FRY: variants seen among roughly 807,000 people sequenced by gnomAD.
FRY encodes FRY microtubule binding protein.
In FRY, 128 loss-of-function variants were observed where a neutral mutation model predicts 348.4. The observed-to-expected ratio is 0.37, with a 90% CI of 0.32 to 0.43. The LOEUF (loss-of-function observed/expected upper bound fraction) is 0.43. Ranked by LOEUF, FRY falls within the 20% of genes least tolerant of loss-of-function variation. The probability of loss-of-function intolerance (pLI) is 1.00; values close to 1 mark genes in which losing one functional copy is unlikely to be tolerated. For missense variants in FRY, 2,736 were observed against 3,695.2 expected, an observed-to-expected ratio of 0.74 and a Z score of 6.73; for synonymous variants, 1,370 against 1,374.7, an observed-to-expected ratio of 1.00 and a Z score of 0.08.
chr13:32,194,583 A>T (rs1018226725), intron 29 of FRY, among the ~76,000 whole-genome samples: 35 of 152,326 alleles, frequency 2.3e-4, no homozygotes, highest in African/African-American at 8.4e-4. Flanking sequence ...GACAAAGAAG[A>T]TACATTATAG....
At chr13:32,098,474 A>T (rs1462012105) in intron 2 of FRY, among the ~76,000 whole-genome samples, 11 of 152,074 alleles carry the variant, frequency 7.2e-5, no homozygotes, top group Admixed American at 6.5e-4. Flanking sequence ...ATTGCACAAG[A>T]TGATGACTGT....
At chr13:32,127,966 A>C (rs1469652085) in intron 7 of FRY, among the ~76,000 whole-genome samples, 1 of 152,232 alleles carries the variant, frequency 6.6e-6, no homozygotes, top group African/African-American at 2.4e-5. Flanking sequence ...CATCTTTAAA[A>C]CTATATAACT....
At chr13:32,176,250 A>C (rs1186252758) in intron 20 of FRY, among the ~76,000 whole-genome samples, 1 of 152,210 alleles carries the variant, frequency 6.6e-6, no homozygotes, top group Admixed American at 6.5e-5. Context: ...AGGGAAATTT[A>C]AACTGATTTT....
intron 1 of FRY, among the ~76,000 whole-genome samples, chr13:32,075,889 C>G (rs1259538972): frequency 6.6e-6 from 1 of 152,190 alleles, no homozygotes; most frequent in Non-Finnish European, 1.5e-5. Flanking sequence ...GAATCATTTT[C>G]TGCTGTGGTA....
At chr13:32,072,183 T>G (rs530473600) in intron 1 of FRY, among the ~76,000 whole-genome samples, 4 of 152,200 alleles carry the variant, frequency 2.6e-5, no homozygotes, top group Non-Finnish European at 4.4e-5. Context: ...AATTAAAGTG[T>G]AAGTGAAAGG....
rs115330505 is a variant in FRY at position 32,149,998 on chromosome 13, A to C, written c.1479+164A>C. ...ATGATGGTGGAATTTCAGAAGTAAAATTTTGGATGAATAGACTTAGAATGA... is the reference window on the plus strand; with the variant it reads ...ATGATGGTGGAATTTCAGAAGTAAACTTTTGGATGAATAGACTTAGAATGA... On this transcript the variant is annotated intron_variant, in intron 14 of 60. Transcript: ENST00000542859. Among the ~76,000 whole-genome samples, 943 of 152,300 alleles carry C rather than the reference A, an allele frequency of 6.2e-3. 14 individuals are homozygous for C. Among genetic ancestry groups the C allele is most frequent in the African/African-American group, 0.022 (906 of 41,560 alleles).
At chr13:32,279,374 G>A (rs1316480881) in intron 58 of FRY, among the ~76,000 whole-genome samples, 1 of 152,220 alleles carries the variant, frequency 6.6e-6, no homozygotes, top group Admixed American at 6.5e-5. Flanking sequence ...GCCTTTCCAA[G>A]AACCAAGGAG....
chr13:32,157,507 T>A (rs1170262053), intron 16 of FRY, 102 bp downstream of exon 16: 1 of 1,100,806 alleles, frequency 9.1e-7, no homozygotes, highest in Non-Finnish European at 1.3e-6. Flanking sequence ...CTTCTTAGGG[T>A]TCTAAAAAGT....
intron 7 of FRY, among the ~76,000 whole-genome samples, chr13:32,128,464 A>T (rs1229805252): frequency 6.6e-6 from 1 of 152,206 alleles, no homozygotes; most frequent in Non-Finnish European, 1.5e-5. Context: ...TGTGATTCAC[A>T]TGGCTCATGG....
chr13:32,092,252 A>G (rs537286116), intron 2 of FRY, among the ~76,000 whole-genome samples: 2 of 152,370 alleles, frequency 1.3e-5, no homozygotes, highest in East Asian at 3.9e-4. Context: ...CTAAAAAGTT[A>G]GAAGTAGAAA....
At position 32,254,748 on chromosome 13, in the gene FRY, A is replaced by G. The variant is rs117782111; in HGVS notation, c.7416+354A>G. Among the ~76,000 whole-genome samples, 1,119 of 152,356 alleles carry G rather than the reference A, an allele frequency of 7.3e-3. 7 individuals are homozygous for G. The highest frequency in any genetic ancestry group is 0.013 in the Non-Finnish European group (896 of 68,022). On this transcript the variant is annotated intron_variant, in intron 51 of 60. Coordinates refer to ENST00000542859, the MANE Select transcript of FRY (RefSeq NM_023037.3). The stretch of plus-strand genomic sequence containing the variant: ...AGCCTGTTCACTGGTACCTGGGTAA[A>G]ATATGCTAAGCATTTAATCATTTCT...
chr13:32,202,296 T>C (rs149466878), intron 30 of FRY, 60 bp from the exon 31 acceptor site: 12,930 of 1,268,926 alleles, frequency 0.01, 89 homozygotes, highest in Non-Finnish European at 0.012. Context: ...ATACAAATGC[T>C]CATGAGATAT....
rs1877180842 is a variant in FRY at position 32,101,852 on chromosome 13, A to T, written c.271-111A>T. On this transcript the variant is annotated intron_variant, in intron 2 of 60. Coordinates refer to ENST00000542859, the MANE Select transcript of FRY (RefSeq NM_023037.3). ...CTCATTTAAAAATTGGTGCCTCCTG[A>T]TTCCATAATGAGAGAAATGAGTGAG... 4.2e-6 allele frequency: 3 copies of T among 708,690 alleles called. No individual in the cohort carries two copies. In the South Asian group the frequency reaches 4.7e-5, roughly 11 times the overall value. 43.9% of individuals were successfully genotyped at this position (708,690 alleles called of 1,614,324 possible). A position where few individuals can be genotyped will look rare whatever the true frequency, so the allele number is the denominator to read the frequency against.
At chr13:32,090,854 G>T (rs971164826) in intron 2 of FRY, among the ~76,000 whole-genome samples, 4 of 151,816 alleles carry the variant, frequency 2.6e-5, no homozygotes, top group Admixed American at 6.6e-5. Flanking sequence ...TGTTAAATGT[G>T]GCAGAGAAAT....
chr13:32,039,336 A>G (rs574133508), intron 1 of FRY, among the ~76,000 whole-genome samples: 43 of 152,270 alleles, frequency 2.8e-4, no homozygotes, highest in Non-Finnish European at 2.4e-4. Context: ...AGGAGTTGCC[A>G]TGTTTATCAG....
intron 29 of FRY, among the ~76,000 whole-genome samples, chr13:32,200,197 C>G (rs1883927500): frequency 6.6e-6 from 1 of 152,108 alleles, no homozygotes; most frequent in African/African-American, 2.4e-5. Flanking sequence ...CTCAATACTG[C>G]CACAATGGGG....
intron 4 of FRY, among the ~76,000 whole-genome samples, chr13:32,119,353 T>G (rs890164444): frequency 3.9e-5 from 6 of 152,212 alleles, no homozygotes. Context: ...GTATCAGCAT[T>G]TGGACTGCCA....
chr13:32,135,179 C>G lies in FRY; in HGVS notation c.1073C>G (p.Ser358Cys). 1 of 1,584,182 alleles carries G rather than the reference C, an allele frequency of 6.3e-7. No homozygotes were observed. Among genetic ancestry groups the G allele is most frequent in the East Asian group, 2.2e-5 (1 of 44,730 alleles). ...GAACTTTCTTCTCGAAAGAAGCATT[C>G]CTTGGTTAGTAACTATGAGAAAATC... is the stretch of plus-strand genomic sequence containing the variant. The part of the protein sequence containing the change: ...TLELSSRKKH[S>C]LALYPLVTCL... Residue 358 changes from serine (S) to cysteine (C), a missense_variant, in exon 10 of 61, where the codon TCC becomes TGC. This residue lies in a region of FRY where 191 missense variants were observed against 370.2 expected (regional missense o/e 0.52). Coordinates refer to ENST00000542859, the MANE Select transcript of FRY (RefSeq NM_023037.3).
At chr13:32,205,202 CAAAAAAAAAA>C (rs35930899) in intron 31 of FRY, among the ~76,000 whole-genome samples, 4 of 77,862 alleles carry the variant, frequency 5.1e-5, no homozygotes, top group Non-Finnish European at 7.2e-5. Flanking sequence ...GACTCTGTCT[CAAAAAAAAAA>C]AAAAAAAAAA....
Sources: gnomAD v4.1 joint callset for allele counts (sites outside exome capture counted in the v4.1 genomes callset) on GRCh38, gnomAD v4.1.1 for gene constraint, gnomAD v4.1.1 regional missense constraint, MANE v1.5 for transcripts, NCBI Gene and HGNC (gene_info 2026-07-23, HGNC 2026-07-21) for gene names.